The following UBN2 variants were observed in gnomAD, a reference collection of about 807,000 sequenced individuals.
UBN2 encodes ubinuclein 2.
Under a neutral mutation model 120.2 loss-of-function variants are expected in UBN2, and 35 were observed. That is an observed-to-expected ratio of 0.29 (90% CI 0.22 to 0.39). The LOEUF (loss-of-function observed/expected upper bound fraction) is 0.39. Among genes scored for constraint, UBN2 ranks in the 10% least tolerant of loss-of-function variants. The pLI is 1.00. For missense variants in UBN2, 1,693 were observed against 1,663.2 expected, an observed-to-expected ratio of 1.02 and a Z score of -0.31; for synonymous variants, 661 against 648.7, an observed-to-expected ratio of 1.02 and a Z score of -0.29.
chr7:139,315,014 C>G, the UBN2 span, among the ~76,000 whole-genome samples: 2 of 151,632 alleles, frequency 1.3e-5, no homozygotes, highest in Non-Finnish European at 2.9e-5. Context: ...CTCGCTCTGT[C>G]GCCCATGCTG....
intron 2 of UBN2, among the ~76,000 whole-genome samples, chr7:139,240,629 C>T (rs1421742773): frequency 6.6e-6 from 1 of 151,842 alleles, no homozygotes; most frequent in African/African-American, 2.4e-5. Context: ...GGTGTTGCAG[C>T]AGTTGAAGAT....
intron 15 of UBN2, among the ~76,000 whole-genome samples, chr7:139,288,069 T>C (rs1797842700): frequency 6.6e-6 from 1 of 152,220 alleles, no homozygotes; most frequent in African/African-American, 2.4e-5. Flanking sequence ...TGATTTTCTG[T>C]GAATCCTGTC....
chr7:139,323,600 T>TATG, the UBN2 span, among the ~76,000 whole-genome samples: 1 of 143,348 alleles, frequency 7.0e-6, no homozygotes, highest in East Asian at 2.0e-4. Context: ...TTATTATTAT[T>TATG]ATTTTTGAGA....
intron 2 of UBN2, among the ~76,000 whole-genome samples, chr7:139,246,719 C>T (rs1796479767): frequency 6.6e-6 from 1 of 152,192 alleles, no homozygotes; most frequent in Non-Finnish European, 1.5e-5. Context: ...TCCCTCCAAA[C>T]TTAGCCTCTG....
intron 15 of UBN2, among the ~76,000 whole-genome samples, chr7:139,285,377 G>A (rs898241460): frequency 6.6e-6 from 1 of 152,150 alleles, no homozygotes; most frequent in African/African-American, 2.4e-5. Context: ...TTTTACCTTA[G>A]CTCATGTACA....
chr7:139,257,330 G>T (rs1207349755), intron 3 of UBN2, among the ~76,000 whole-genome samples: 2 of 152,104 alleles, frequency 1.3e-5, no homozygotes, highest in African/African-American at 4.8e-5. Flanking sequence ...TTCTGAACTG[G>T]GCAGTTGTTT....
rs1414812830 is a variant in UBN2 at position 139,278,392 on chromosome 7, G to C, written c.2025-926G>C. ...AGACAGGGTTTCACCATGTTGGCCA[G>C]GCTGGTCTCAAACTCCTGGCCTCAC... On this transcript the variant is annotated intron_variant, in intron 12 of 17. Transcript: ENST00000473989. Among the ~76,000 whole-genome samples the C allele has an allele frequency of 3.3e-5, 5 of 152,164 alleles. No individual in the cohort carries two copies. The East Asian group carries it at 9.7e-4, about 29-fold the overall frequency.
At chr7:139,241,410 T>A (rs1350470129) in intron 2 of UBN2, among the ~76,000 whole-genome samples, 1 of 152,222 alleles carries the variant, frequency 6.6e-6, no homozygotes, top group African/African-American at 2.4e-5. Context: ...AGGCATTTAT[T>A]AATAATCATG....
intron 2 of UBN2, among the ~76,000 whole-genome samples, chr7:139,244,219 TAAATG>T (rs1321795994): frequency 2.6e-5 from 4 of 152,092 alleles, no homozygotes; most frequent in African/African-American, 9.7e-5. Flanking sequence ...TAAATACAGA[TAAATG>T]AAAAGATCAA....
the UBN2 span, among the ~76,000 whole-genome samples, chr7:139,321,688 A>T: frequency 6.6e-6 from 1 of 152,114 alleles, no homozygotes; most frequent in South Asian, 2.1e-4. Flanking sequence ...CTGGGGGTGG[A>T]GACTCTCCAG....
downstream of UBN2, among the ~76,000 whole-genome samples, chr7:139,308,673 C>G (rs1798404995): frequency 6.6e-6 from 1 of 152,044 alleles, no homozygotes; most frequent in African/African-American, 2.4e-5. Context: ...GTGACTCACT[C>G]TAGGTTTTTT....
intron 8 of UBN2, among the ~76,000 whole-genome samples, chr7:139,270,189 A>G (rs548794039): frequency 4.3e-4 from 66 of 151,926 alleles, no homozygotes; most frequent in Admixed American, 1.2e-3. Context: ...ATAAAGAAAT[A>G]CTGTCTGCTT....
the UBN2 span, among the ~76,000 whole-genome samples, chr7:139,321,799 C>T: frequency 2.6e-5 from 4 of 152,134 alleles, no homozygotes; most frequent in African/African-American, 9.7e-5. Context: ...TCCCCTGCTT[C>T]CCCAGGACAG....
At chr7:139,282,430 A>G (rs1218803589) in intron 14 of UBN2, among the ~76,000 whole-genome samples, 2 of 152,208 alleles carry the variant, frequency 1.3e-5, no homozygotes, top group Non-Finnish European at 2.9e-5. Context: ...ATAAATGACA[A>G]ATGAGTAATT....
chr7:139,232,900 T>C (rs751600721), intron 1 of UBN2, among the ~76,000 whole-genome samples: 4 of 152,206 alleles, frequency 2.6e-5, no homozygotes, highest in Non-Finnish European at 5.9e-5. Flanking sequence ...TGTGGGTTGG[T>C]GGATCTTCAG....
rs1264049274 is a variant in UBN2 at position 139,259,289 on chromosome 7, A to T, written c.824A>T (p.Asp275Val). 6.2e-7 allele frequency: 1 copy of T among 1,613,782 alleles called. No homozygotes were observed. The highest frequency in any genetic ancestry group is 1.7e-5 in the Admixed American group (1 of 59,976). The change falls in exon 5 of 18, where the codon GAT becomes GTT. Residue 275 changes from aspartate (D) to valine (V), a missense_variant. Coordinates refer to ENST00000473989, the MANE Select transcript of UBN2 (RefSeq NM_173569.4). ...CAGGTCCCCAAAATAAAAGAAGATG[A>T]TATTGAGATGAAGAAGCGGAAGCGG... ...PPKVPKIKED[D>V]IEMKKRKRKE...
chr7:139,313,478 C>T, the UBN2 span, among the ~76,000 whole-genome samples: 1 of 152,070 alleles, frequency 6.6e-6, no homozygotes, highest in Non-Finnish European at 1.5e-5. Context: ...TCTAATAATT[C>T]ATCTGATTAT....
rs370641927 is a variant in UBN2, at chr7:139,273,923, C to T, written c.1830-8C>T. The stretch of plus-strand genomic sequence containing the variant: ...AAAAGTTTCAAATTTAATTTTCAAT[C>T]TGTTTAGAACTTTGTTATGTAACCT... On this transcript the variant is annotated splice_region_variant and splice_polypyrimidine_tract_variant and intron_variant, in intron 10 of 17. Coordinates refer to ENST00000473989, the MANE Select transcript of UBN2 (RefSeq NM_173569.4). 2.6e-6 allele frequency: 4 copies of T among 1,561,880 alleles called. No homozygotes were observed. The African/African-American group carries it at 5.6e-5, about 22-fold the overall frequency.
rs1008286098 is a variant in UBN2 at position 139,303,663 on chromosome 7, C to T, written c.*5827C>T. ...AATATTTTGAGTTTTTGTAAAATGT[C>T]CTATATAATTAAAAATAGTATTATC... On this transcript the variant is annotated 3_prime_UTR_variant, in exon 18 of 18. Coordinates refer to ENST00000473989, the MANE Select transcript of UBN2 (RefSeq NM_173569.4). 6.6e-6 allele frequency: 1 copy of T among 151,958 alleles called. No individual in the cohort carries two copies. 9.4% of individuals were successfully genotyped at this position (151,958 alleles called of 1,614,324 possible). A position where few individuals can be genotyped will look rare whatever the true frequency, so the allele number is the denominator to read the frequency against.
Sources: gnomAD v4.1 joint callset for allele counts (sites outside exome capture counted in the v4.1 genomes callset) on GRCh38, gnomAD v4.1.1 for gene constraint, MANE v1.5 for transcripts, NCBI Gene and HGNC (gene_info 2026-07-23, HGNC 2026-07-21) for gene names.